CELF2: variants seen among roughly 807,000 people sequenced by gnomAD.
CELF2 encodes the protein CUG triplet repeat RNA-binding protein 2.
A neutral mutation model predicts 62.6 loss-of-function variants in CELF2; 8 were observed. The observed-to-expected ratio is 0.13, with a 90% CI of 0.07 to 0.23. The LOEUF is 0.23. Among genes scored for constraint, CELF2 ranks in the 10% least tolerant of loss-of-function variants. The pLI, the probability that CELF2 is intolerant of heterozygous loss-of-function variation, is 1.00. For missense variants in CELF2, 333 were observed against 671.0 expected (o/e 0.50, Z 5.56); for synonymous variants, 258 against 250.0 (o/e 1.03, Z -0.30).
At chr10:10,964,795 T>G (rs959757545) in intron 2 of CELF2, among the ~76,000 whole-genome samples, 1 of 123,786 alleles carries the variant, frequency 8.1e-6, no homozygotes, top group African/African-American at 5.5e-5. Flanking sequence ...CAAGCAATAA[T>G]AATAATAGAA....
chr10:10,890,120 A>G (rs1180881689), intron 1 of CELF2, among the ~76,000 whole-genome samples: 2 of 152,192 alleles, frequency 1.3e-5, no homozygotes, highest in African/African-American at 4.8e-5. Flanking sequence ...ATGAGTTCTC[A>G]TGACTTTTTT....
intron 1 of CELF2, among the ~76,000 whole-genome samples, chr10:10,888,888 A>G (rs2061947359): frequency 6.6e-6 from 1 of 152,164 alleles, no homozygotes. Context: ...TGTCTCCCCC[A>G]GTAGTTCATA....
chr10:10,623,823 G>C, the CELF2 span, among the ~76,000 whole-genome samples: 1 of 152,112 alleles, frequency 6.6e-6, no homozygotes, highest in Admixed American at 6.6e-5. Flanking sequence ...TTCGAAATAG[G>C]GTTTATTATA....
At chr10:11,170,124 C>T (rs1434637772) in intron 2 of CELF2, among the ~76,000 whole-genome samples, 2 of 152,184 alleles carry the variant, frequency 1.3e-5, no homozygotes, top group African/African-American at 4.8e-5. Flanking sequence ...GAAGCTTAGA[C>T]ATGCAGTTTG....
chr10:10,760,033 T>C, the CELF2 span, among the ~76,000 whole-genome samples: 3 of 152,196 alleles, frequency 2.0e-5, no homozygotes, highest in Non-Finnish European at 2.9e-5. Flanking sequence ...CCCTCCTGCG[T>C]AGCTGGGATT....
At chr10:11,094,597 G>A (rs748034871) in intron 1 of CELF2, among the ~76,000 whole-genome samples, 2 of 152,172 alleles carry the variant, frequency 1.3e-5, no homozygotes, top group Non-Finnish European at 2.9e-5. Flanking sequence ...GGGAAAAAAA[G>A]CAAAAGGGAA....
intron 2 of CELF2, among the ~76,000 whole-genome samples, chr10:10,921,805 A>G (rs1375934612): frequency 6.7e-6 from 1 of 149,688 alleles, no homozygotes; most frequent in Non-Finnish European, 1.5e-5. Flanking sequence ...AGTCTTAGAC[A>G]TTCTACCTAA....
At chr10:11,002,318 C>T (rs1219626042), upstream of CELF2, among the ~76,000 whole-genome samples, 1 of 152,206 alleles carries the variant, frequency 6.6e-6, no homozygotes, top group Non-Finnish European at 1.5e-5. This position sits in a 1 kb window ranked among gnomAD's most constrained non-coding sequence, Gnocchi z 4.4. Context: ...CCTCCTACAA[C>T]ACGTGGGAAT....
chr10:11,261,245 A>G (rs2080452138), intron 5 of CELF2, among the ~76,000 whole-genome samples: 1 of 152,128 alleles, frequency 6.6e-6, no homozygotes, highest in African/African-American at 2.4e-5. Context: ...GCGGATTTCT[A>G]ATGTCATTTC....
At chr10:11,018,667 C>T in intron 1 of CELF2, 1 of 149,074 alleles carries the variant, frequency 6.7e-6, no homozygotes, top group Non-Finnish European at 1.5e-5. Context: ...GAGGACTGAG[C>T]GGAGCGCGGC....
the CELF2 span, among the ~76,000 whole-genome samples, chr10:10,474,659 T>A: frequency 2.0e-5 from 3 of 152,094 alleles, no homozygotes; most frequent in Non-Finnish European, 4.4e-5. Context: ...GAAAAGGTCA[T>A]TAGTCACCCC....
At chr10:11,077,177 A>G (rs145345862) in intron 1 of CELF2, among the ~76,000 whole-genome samples, 1 of 152,328 alleles carries the variant, frequency 6.6e-6, no homozygotes, top group Non-Finnish European at 1.5e-5. Flanking sequence ...GGTTATCATT[A>G]TAAATACCAG....
At chr10:11,109,542 A>G (rs79667117) in intron 1 of CELF2, among the ~76,000 whole-genome samples, 10,961 of 152,284 alleles carry the variant, frequency 0.072, 479 homozygotes, top group African/African-American at 0.11. Flanking sequence ...GAGAGATCAC[A>G]GTGCCGGTAG....
intron 1 of CELF2, among the ~76,000 whole-genome samples, chr10:11,034,701 C>G (rs1053697605): frequency 6.6e-6 from 1 of 152,148 alleles, no homozygotes; most frequent in African/African-American, 2.4e-5. Context: ...TGGTGGTGCA[C>G]TGCTCCATTA....
chr10:11,273,036 C>T (rs565035927), intron 7 of CELF2, among the ~76,000 whole-genome samples: 1 of 152,288 alleles, frequency 6.6e-6, no homozygotes, highest in East Asian at 1.9e-4. Flanking sequence ...AGCTTTCCCA[C>T]CCCCTCTTCC....
chr10:11,119,430 T>C (rs2057263844), intron 1 of CELF2, among the ~76,000 whole-genome samples: 1 of 152,172 alleles, frequency 6.6e-6, no homozygotes, highest in Non-Finnish European at 1.5e-5. Context: ...TTCATAGCAC[T>C]TTAAACAAGA....
At chr10:10,591,652 C>T in the CELF2 span, among the ~76,000 whole-genome samples, 2 of 152,000 alleles carry the variant, frequency 1.3e-5, no homozygotes, top group Non-Finnish European at 2.9e-5. Flanking sequence ...TGATCTGTTT[C>T]CCTTCTCTGT....
At chr10:10,968,442 T>C (rs2050387296) in intron 2 of CELF2, among the ~76,000 whole-genome samples, 1 of 152,240 alleles carries the variant, frequency 6.6e-6, no homozygotes, top group South Asian at 2.1e-4. Context: ...TGTAAATAAT[T>C]TGCTTTCTGT....
chr10:10,773,166 T>C, the CELF2 span, among the ~76,000 whole-genome samples: 4 of 152,126 alleles, frequency 2.6e-5, no homozygotes, highest in African/African-American at 9.7e-5. Context: ...TAAGGAAGAA[T>C]ATGAAACGGG....
Sources: gnomAD v4.1 joint callset for allele counts (sites outside exome capture counted in the v4.1 genomes callset) on GRCh38, gnomAD v4.1.1 for gene constraint, Gnocchi (gnomAD v3.1) non-coding constraint, MANE v1.5 for transcripts, NCBI Gene and HGNC (gene_info 2026-07-23, HGNC 2026-07-21) for gene names.